Variants in CATSPER3 observed in about 807,000 individuals in gnomAD.
CATSPER3 encodes the protein cation channel sperm-associated protein 3.
Under a neutral mutation model 36.6 loss-of-function variants are expected in CATSPER3, and 23 were observed. That is an observed-to-expected ratio of 0.63 (90% CI 0.45 to 0.89). The LOEUF is 0.89. Ranked by LOEUF, CATSPER3 falls within the 40% of genes least tolerant of loss-of-function variation. The probability of loss-of-function intolerance (pLI) is 0.00; values close to 1 mark genes in which losing one functional copy is unlikely to be tolerated. For missense variants in CATSPER3, 474 were observed against 503.9 expected, an observed-to-expected ratio of 0.94 and a Z score of 0.57; for synonymous variants, 172 against 184.1, an observed-to-expected ratio of 0.93 and a Z score of 0.53.
At chr5:134,980,579 C>T (rs1235330566) in intron 2 of CATSPER3, among the ~76,000 whole-genome samples, 1 of 151,520 alleles carries the variant, frequency 6.6e-6, no homozygotes, top group East Asian at 1.9e-4. Context: ...TACAGGCATG[C>T]ACCACCACAC....
intron 3 of CATSPER3, among the ~76,000 whole-genome samples, chr5:135,004,315 G>A (rs1041458538): frequency 5.3e-5 from 8 of 152,206 alleles, no homozygotes; most frequent in African/African-American, 1.7e-4. Context: ...AGAAATGCCC[G>A]TGTGGGGTGG....
At chr5:135,006,201 G>A (rs915929882) in intron 3 of CATSPER3, among the ~76,000 whole-genome samples, 2 of 152,186 alleles carry the variant, frequency 1.3e-5, no homozygotes, top group African/African-American at 4.8e-5. Flanking sequence ...TGCGTGGATT[G>A]TGCTTAAAGA....
intron 2 of CATSPER3, among the ~76,000 whole-genome samples, chr5:134,973,125 A>G (rs1419516161): frequency 6.6e-6 from 1 of 152,228 alleles, no homozygotes; most frequent in Non-Finnish European, 1.5e-5. Context: ...CTTCCTTAGT[A>G]ATTTACTAAA....
intron 3 of CATSPER3, among the ~76,000 whole-genome samples, chr5:135,003,079 T>C (rs1266095401): frequency 6.6e-6 from 1 of 152,228 alleles, no homozygotes; most frequent in African/African-American, 2.4e-5. Context: ...CCCATCTTTG[T>C]GGTTTTATCT....
intron 2 of CATSPER3, among the ~76,000 whole-genome samples, chr5:134,982,498 C>T (rs201962374): frequency 1.3e-5 from 2 of 152,120 alleles, no homozygotes; most frequent in Middle Eastern, 3.4e-3. Context: ...GATTAACAGC[C>T]GATTTATCCT....
chr5:134,978,261 G>A (rs546533864), intron 2 of CATSPER3, among the ~76,000 whole-genome samples: 1 of 152,244 alleles, frequency 6.6e-6, no homozygotes, highest in Admixed American at 6.5e-5. Context: ...ATGATATTTA[G>A]CAATATGCGT....
intron 2 of CATSPER3, among the ~76,000 whole-genome samples, chr5:134,988,069 A>AT (rs1209827792): frequency 3.9e-5 from 6 of 152,194 alleles, no homozygotes; most frequent in African/African-American, 1.4e-4. Flanking sequence ...AGTCACATGA[A>AT]TTTTTTTGTT....
chr5:135,008,169 A>G (rs1243376788), intron 4 of CATSPER3, 30 bp downstream of exon 4: 1 of 1,594,178 alleles, frequency 6.3e-7, no homozygotes, highest in African/African-American at 1.3e-5. Flanking sequence ...TGGTGAGGGC[A>G]GGGGCCTTAG....
intron 3 of CATSPER3, among the ~76,000 whole-genome samples, chr5:134,996,897 A>C (rs533990345): frequency 6.6e-6 from 1 of 152,322 alleles, no homozygotes. Flanking sequence ...TTGGTGGCCC[A>C]GGCCACTAGC....
chr5:135,002,397 T>A (rs1372673468), intron 3 of CATSPER3, among the ~76,000 whole-genome samples: 1 of 152,214 alleles, frequency 6.6e-6, no homozygotes, highest in Non-Finnish European at 1.5e-5. Context: ...CCCTTAACAT[T>A]TTTTCCTTCA....
intron 2 of CATSPER3, among the ~76,000 whole-genome samples, chr5:134,985,337 A>G (rs1675957503): frequency 6.6e-6 from 1 of 152,214 alleles, no homozygotes; most frequent in Admixed American, 6.5e-5. Context: ...TCAAAAACCA[A>G]ATACTGCATA....
chr5:134,979,790 T>G (rs1319900156), intron 2 of CATSPER3, among the ~76,000 whole-genome samples: 1 of 152,224 alleles, frequency 6.6e-6, no homozygotes, highest in Non-Finnish European at 1.5e-5. Flanking sequence ...GATTTCACCT[T>G]TAGCTGATCT....
intron 1 of CATSPER3, chr5:134,968,524 C>T (rs542921301): frequency 4.1e-6 from 1 of 246,242 alleles, no homozygotes; most frequent in African/African-American, 2.3e-5. Context: ...AACCCCATCT[C>T]TACTAAAAAT....
At chr5:134,969,819 T>G in intron 1 of CATSPER3, 120 bp from the exon 2 acceptor site, 1 of 1,007,560 alleles carries the variant, frequency 9.9e-7, no homozygotes, top group East Asian at 2.4e-5. Context: ...TAAAAGTATA[T>G]GTAAATTTAT....
chr5:134,995,741 G>T (rs1165691121), intron 2 of CATSPER3: 1 of 192,162 alleles, frequency 5.2e-6, no homozygotes, highest in Non-Finnish European at 1.1e-5. Flanking sequence ...ATGACACAAA[G>T]AGTACTTCTT....
intron 2 of CATSPER3, among the ~76,000 whole-genome samples, chr5:134,970,861 C>T (rs998219671): frequency 6.6e-6 from 1 of 152,072 alleles, no homozygotes; most frequent in South Asian, 2.1e-4. Flanking sequence ...CATGAGCCAT[C>T]GCGCCTGGCC....
At chr5:134,979,545 G>A (rs1043385732) in intron 2 of CATSPER3, among the ~76,000 whole-genome samples, 13 of 152,178 alleles carry the variant, frequency 8.5e-5, no homozygotes, top group Non-Finnish European at 1.5e-4. Flanking sequence ...GCAGAAAGGT[G>A]GCTATAGAGA....
Position 134,996,378 on chromosome 5 carries a change from A to T in CATSPER3, c.358A>T (p.Ile120Phe), listed in dbSNP as rs1049843858. The T allele has an allele frequency of 6.2e-7, 1 of 1,614,220 alleles. No homozygotes were observed. The highest frequency in any genetic ancestry group is 1.7e-5 in the Admixed American group (1 of 60,032). Residue 120 changes from isoleucine to phenylalanine, a missense_variant, in exon 3 of 8, where the codon ATC (isoleucine) becomes TTC (phenylalanine). Coordinates refer to ENST00000282611, the MANE Select transcript of CATSPER3 (RefSeq NM_178019.3). Reference protein sequence around the residue: ...WKNGYNLLDVIIIIVMFLPYA... With the variant: ...WKNGYNLLDVFIIIVMFLPYA... The stretch of plus-strand genomic sequence containing the variant: ...GAACGGCTACAACCTGCTGGATGTG[A>T]TCATTATCATCGTTATGTTTTTACC...
intron 1 of CATSPER3, chr5:134,969,639 A>G: frequency 2.4e-6 from 1 of 410,350 alleles, no homozygotes; most frequent in Non-Finnish European, 4.6e-6. Flanking sequence ...GCCACTCAAT[A>G]AAGATTTGTT....
Sources: allele counts gnomAD v4.1 joint callset (sites outside exome capture counted in the v4.1 genomes callset), GRCh38; gene constraint gnomAD v4.1.1; transcripts MANE v1.5; gene names NCBI Gene and HGNC (gene_info 2026-07-23, HGNC 2026-07-21).